The following CIB2 variants were observed in gnomAD, a reference collection of about 807,000 sequenced individuals.
The protein encoded by CIB2 is calcium and integrin binding family member 2, also known as calcium and integrin-binding family member 2.
A neutral mutation model predicts 23.1 loss-of-function variants in CIB2; 19 were observed. That is an observed-to-expected ratio of 0.82 (90% confidence interval 0.57 to 1.21). The LOEUF (loss-of-function observed/expected upper bound fraction) is 1.21, where lower values mean the gene tolerates loss of function less well. Ranked by LOEUF, CIB2 falls within the 50% of genes most tolerant of loss-of-function variation. The pLI, the probability that CIB2 is intolerant of heterozygous loss-of-function variation, is 0.00. For missense variants in CIB2, 220 were observed against 241.5 expected (o/e 0.91, Z 0.59); for synonymous variants, 94 against 91.7 (o/e 1.03, Z -0.14).
intron 1 of CIB2, among the ~76,000 whole-genome samples, chr15:78,128,689 C>T (rs540949568): frequency 1.5e-4 from 21 of 144,090 alleles, no homozygotes; most frequent in South Asian, 1.1e-3. Context: ...AGCGAGACTC[C>T]GTCTCAAAAA....
intron 2 of CIB2, among the ~76,000 whole-genome samples, chr15:78,119,287 G>A (rs1234732722): frequency 6.6e-6 from 1 of 152,158 alleles, no homozygotes; most frequent in Non-Finnish European, 1.5e-5. Context: ...TCCTTTTGCA[G>A]GTTGAATAGT....
At position 78,105,072 on chromosome 15, in the gene CIB2, G is replaced by C. The variant is rs2074044742; in HGVS notation, c.*239C>G. 1.8e-6 allele frequency: 1 copy of C among 556,668 alleles called. No individual in the cohort carries two copies. The highest frequency in any genetic ancestry group is 3.2e-6 in the Non-Finnish European group (1 of 311,592). 34.5% of individuals were successfully genotyped at this position (556,668 alleles called of 1,614,324 possible). ...TGGGGCATGGGGCGGGGTGCGGAGG[G>C]CCTGGAGAGAGGCCATGGGTCCCGG... On this transcript the variant is annotated 3_prime_UTR_variant, in exon 6 of 6. Coordinates refer to ENST00000258930, the MANE Select transcript of CIB2 (RefSeq NM_006383.4).
chr15:78,111,366 G>A, intron 2 of CIB2, 90 bp from the exon 3 acceptor site: 1 of 1,004,536 alleles, frequency 1.0e-6, no homozygotes, highest in Non-Finnish European at 1.5e-6. Flanking sequence ...CTCTGCCTCT[G>A]CAGAACATCC....
chr15:78,131,280 G>A lies in CIB2; in HGVS notation c.-65C>T. ...CTCCCATCAGCGGCCGCCAGACCCGGAGCCAGCGCCCCGTGCCCGCGGCCC... is the reference window on the plus strand; with the variant it reads ...CTCCCATCAGCGGCCGCCAGACCCGAAGCCAGCGCCCCGTGCCCGCGGCCC... On this transcript the variant is annotated 5_prime_UTR_variant, in exon 1 of 6. Coordinates refer to ENST00000258930, the MANE Select transcript of CIB2 (RefSeq NM_006383.4). This position sits in a 1 kb window ranked among gnomAD's most constrained non-coding sequence, Gnocchi z 5.8. The A allele has an allele frequency of 8.0e-7, 1 of 1,256,626 alleles. No homozygotes were observed. The highest frequency in any genetic ancestry group is 3.8e-5 in the Admixed American group (1 of 26,382). 77.8% of individuals were successfully genotyped at this position (1,256,626 alleles called of 1,614,324 possible). A position where few individuals can be genotyped will look rare whatever the true frequency, so the allele number is the denominator to read the frequency against.
chr15:78,131,256 TC>T lies in CIB2; in HGVS notation c.-42del. The stretch of plus-strand genomic sequence containing the variant: ...GCCGCTCGCCCGCCCGGGCTCCGAC[TC>T]CCATCAGCGGCCGCCAGACCCGGAG... On this transcript the variant is annotated 5_prime_UTR_variant, in exon 1 of 6. Coordinates refer to ENST00000258930, the MANE Select transcript of CIB2 (RefSeq NM_006383.4). The surrounding 1 kb of genome is among the most constrained non-coding windows in gnomAD (Gnocchi z 5.8). 7.0e-7 allele frequency: 1 copy of T among 1,419,220 alleles called. No homozygotes were observed. The highest frequency in any genetic ancestry group is 1.4e-5 in the South Asian group (1 of 70,056). The allele number at this position is 1,419,220 out of a possible 1,614,324, so 87.9% of individuals were successfully genotyped here. A position where few individuals can be genotyped will look rare whatever the true frequency, so the allele number is the denominator to read the frequency against.
At chr15:78,129,126 A>G (rs549423869) in intron 1 of CIB2, among the ~76,000 whole-genome samples, 99 of 152,188 alleles carry the variant, frequency 6.5e-4, no homozygotes, top group African/African-American at 2.3e-3. Context: ...AGGAAAGGTT[A>G]GACTACCAGG....
Position 78,131,086 on chromosome 15 carries a change from G to T in CIB2, c.51+79C>A. The T allele has an allele frequency of 7.7e-7, 1 of 1,306,828 alleles. No individual in the cohort carries two copies. The allele number at this position is 1,306,828 out of a possible 1,614,324, so 81.0% of individuals were successfully genotyped here. A position where few individuals can be genotyped will look rare whatever the true frequency, so the allele number is the denominator to read the frequency against. The stretch of plus-strand genomic sequence containing the variant: ...ACCTGGGAGAGCTGGCTCTCGGGAG[G>T]CCTCGGCCAGCGACCGAGAAAAGGG... On this transcript the variant is annotated intron_variant, in intron 1 of 5. Coordinates refer to ENST00000258930, the MANE Select transcript of CIB2 (RefSeq NM_006383.4). The surrounding 1 kb of genome is among the most constrained non-coding windows in gnomAD (Gnocchi z 5.8).
chr15:78,111,695 C>T (rs76700497), intron 2 of CIB2, among the ~76,000 whole-genome samples: 5,341 of 152,304 alleles, frequency 0.035, 138 homozygotes, highest in East Asian at 0.15. Context: ...CTGACCCCAG[C>T]TTACTGCTCA....
intron 2 of CIB2, among the ~76,000 whole-genome samples, chr15:78,118,933 C>A (rs1230911977): frequency 6.6e-6 from 1 of 152,114 alleles, no homozygotes; most frequent in African/African-American, 2.4e-5. Context: ...GTAATCCTAG[C>A]ACTTTGGGAG....
At chr15:78,106,338 A>T (rs1167411550) in intron 4 of CIB2, among the ~76,000 whole-genome samples, 1 of 152,248 alleles carries the variant, frequency 6.6e-6, no homozygotes, top group Non-Finnish European at 1.5e-5. Flanking sequence ...TCAAGGTGGG[A>T]GAGCCACTCG....
intron 2 of CIB2, among the ~76,000 whole-genome samples, chr15:78,121,165 C>A (rs992745267): frequency 6.6e-6 from 1 of 152,124 alleles, no homozygotes; most frequent in African/African-American, 2.4e-5. Context: ...TGAGGGTGGA[C>A]AGGTGGGCAG....
At chr15:78,119,137 T>TA (rs77407973) in intron 2 of CIB2, among the ~76,000 whole-genome samples, 1,610 of 139,144 alleles carry the variant, frequency 0.012, 22 homozygotes, top group African/African-American at 0.033. Context: ...ACACAGACTT[T>TA]AAAAAAAAAA....
intron 4 of CIB2, among the ~76,000 whole-genome samples, chr15:78,108,119 G>A (rs1280693630): frequency 2.0e-5 from 3 of 150,008 alleles, no homozygotes; most frequent in Admixed American, 6.7e-5. Context: ...CAAGAGAATC[G>A]CTTGAACCCG....
intron 2 of CIB2, among the ~76,000 whole-genome samples, chr15:78,118,588 CA>C (rs56911890): frequency 0.27 from 27,842 of 102,324 alleles, 2,435 homozygotes; most frequent in Non-Finnish European, 0.3. Context: ...GACTCCGTCT[CA>C]AAAAAAAAAA....
At position 78,105,282 on chromosome 15, in the gene CIB2, T is replaced by A; in HGVS notation, c.*29A>T. ...TGACTGCAGGGCAGGATGGTGGACT[T>A]CTAGGCCCCTACAGCCTCGGCAGTG... On this transcript the variant is annotated 3_prime_UTR_variant, in exon 6 of 6. Transcript: ENST00000258930. 6.2e-7 allele frequency: 1 copy of A among 1,613,728 alleles called. No homozygotes were observed.
intron 2 of CIB2, among the ~76,000 whole-genome samples, chr15:78,123,465 AC>A (rs1347872003): frequency 1.3e-5 from 2 of 152,140 alleles, no homozygotes; most frequent in Non-Finnish European, 2.9e-5. Context: ...GAAACTACCC[AC>A]CTGAAAGCTC....
At chr15:78,130,737 C>G (rs781211832) in intron 1 of CIB2, among the ~76,000 whole-genome samples, 5 of 152,168 alleles carry the variant, frequency 3.3e-5, no homozygotes, top group Non-Finnish European at 7.4e-5. Context: ...CTAGACCAGA[C>G]AGGACGCCAG....
intron 2 of CIB2, among the ~76,000 whole-genome samples, chr15:78,116,378 G>A (rs565525188): frequency 6.6e-6 from 1 of 151,132 alleles, no homozygotes; most frequent in Non-Finnish European, 1.5e-5. Flanking sequence ...GAGGTGGGAG[G>A]ACCACTTGAG....
intron 2 of CIB2, among the ~76,000 whole-genome samples, chr15:78,116,647 C>T (rs1475582223): frequency 3.3e-5 from 5 of 152,124 alleles, no homozygotes; most frequent in Admixed American, 1.3e-4. Context: ...AAATAGTACA[C>T]TTAAATACTG....
Sources: gnomAD v4.1 joint callset for allele counts (sites outside exome capture counted in the v4.1 genomes callset) on GRCh38, gnomAD v4.1.1 for gene constraint, Gnocchi (gnomAD v3.1) non-coding constraint, MANE v1.5 for transcripts, NCBI Gene and HGNC (gene_info 2026-07-23, HGNC 2026-07-21) for gene names.